NKAIN2: variants seen among roughly 807,000 people sequenced by gnomAD.
The protein encoded by NKAIN2 is sodium/potassium transporting ATPase interacting 2.
In NKAIN2, 14 loss-of-function variants were observed where a neutral mutation model predicts 32.6. The ratio of observed to expected loss-of-function variants is 0.43; its 90% confidence interval spans 0.28 to 0.67. The LOEUF (loss-of-function observed/expected upper bound fraction) is 0.67. NKAIN2 is among the 30% of genes least tolerant of loss of function. The pLI is 0.17. For synonymous variants in NKAIN2, 80 were observed against 87.2 expected, an observed-to-expected ratio of 0.92 and a Z score of 0.46; for missense variants, 198 against 258.3, an observed-to-expected ratio of 0.77 and a Z score of 1.60.
In NKAIN2 at chr6:124,369,898, T is replaced by TTTTTTTTTTTTTTA. The variant is rs1554196328; in HGVS notation, c.273+14551_273+14552insTTTTTTTTTTTTTA. Among the ~76,000 whole-genome samples, 8 of 148,560 alleles carry TTTTTTTTTTTTTTA rather than the reference T, an allele frequency of 5.4e-5. 1 individual carries two copies. The highest frequency in any genetic ancestry group is 8.9e-5 in the Non-Finnish European group (6 of 67,392). Reference sequence around the variant, plus strand: ...AATGTCAATTTTTTTTTTTTTTTTTTAACCTGTGGATTCACTCTGGGACAA... The same window carrying TTTTTTTTTTTTTTA: ...AATGTCAATTTTTTTTTTTTTTTTTTTTTTTTTTTTTTTAAACCTGTGGATTCACTCTGGGACAA... On this transcript the variant is annotated intron_variant, in intron 3 of 6. Transcript: ENST00000368417.
intron 3 of NKAIN2, among the ~76,000 whole-genome samples, chr6:124,459,137 C>G (rs1037616286): frequency 6.6e-6 from 1 of 151,812 alleles, no homozygotes; most frequent in Non-Finnish European, 1.5e-5. Context: ...AACGTTACCA[C>G]TTTCTGGCCC....
In NKAIN2 at chr6:124,717,437, G is replaced by A. The variant is rs112398283; in HGVS notation, c.474+59051G>A. ...AGGTATCAATGGTTGAATCCCAGTG[G>A]CATTATTCAGTGGGATTTCTGGTCA... On this transcript the variant is annotated intron_variant, in intron 4 of 6. Coordinates refer to ENST00000368417, the MANE Select transcript of NKAIN2 (RefSeq NM_001040214.3). Among the ~76,000 whole-genome samples, 339 of 152,222 alleles carry A rather than the reference G, an allele frequency of 2.2e-3. 4 individuals are homozygous for A. The highest frequency in any genetic ancestry group is 7.6e-3 in the African/African-American group (317 of 41,540).
chr6:124,458,128 C>A (rs1470024319), intron 3 of NKAIN2, among the ~76,000 whole-genome samples: 3 of 151,716 alleles, frequency 2.0e-5, no homozygotes, highest in Non-Finnish European at 2.9e-5. Flanking sequence ...ATAGCTTATG[C>A]AAGTTTATTA....
chr6:123,868,761 G>T (rs1772716309), intron 1 of NKAIN2, among the ~76,000 whole-genome samples: 1 of 152,120 alleles, frequency 6.6e-6, no homozygotes, highest in African/African-American at 2.4e-5. Context: ...CACATTTTGT[G>T]TAGAAATAAT....
At chr6:124,031,754 A>C (rs574771609) in intron 1 of NKAIN2, among the ~76,000 whole-genome samples, 22 of 152,102 alleles carry the variant, frequency 1.4e-4, no homozygotes, top group Non-Finnish European at 2.6e-4. Flanking sequence ...TTCTAGTTTG[A>C]TTGCACTGTG....
chr6:124,326,114 GT>G (rs1052159558), intron 2 of NKAIN2, among the ~76,000 whole-genome samples: 16 of 140,594 alleles, frequency 1.1e-4, no homozygotes, highest in Non-Finnish European at 4.7e-5. Flanking sequence ...TTCTATTTTT[GT>G]TTGTTTATAT....
chr6:124,319,961 T>C (rs903379193), intron 2 of NKAIN2, among the ~76,000 whole-genome samples: 1 of 152,082 alleles, frequency 6.6e-6, no homozygotes, highest in African/African-American at 2.4e-5. Flanking sequence ...TAAAAATGGG[T>C]TTAAAAAAAT....
intron 1 of NKAIN2, among the ~76,000 whole-genome samples, chr6:123,987,464 G>T (rs921734590): frequency 3.3e-5 from 5 of 152,124 alleles, no homozygotes; most frequent in African/African-American, 1.2e-4. Flanking sequence ...CTGTTTATTA[G>T]GTTGCAGTTT....
At chr6:124,720,352 A>T (rs1562344216) in intron 4 of NKAIN2, among the ~76,000 whole-genome samples, 1 of 152,154 alleles carries the variant, frequency 6.6e-6, no homozygotes, top group Non-Finnish European at 1.5e-5. Context: ...TTGACAAGTT[A>T]GTTGTTGTTT....
intron 2 of NKAIN2, among the ~76,000 whole-genome samples, chr6:124,294,968 G>C (rs1795986278): frequency 6.6e-6 from 1 of 152,080 alleles, no homozygotes. Flanking sequence ...TTGGCTGCAA[G>C]TATTAAGCTC....
chr6:124,335,692 G>T (rs573970803), intron 2 of NKAIN2, among the ~76,000 whole-genome samples: 2 of 151,928 alleles, frequency 1.3e-5, no homozygotes, highest in East Asian at 3.9e-4. Context: ...CTATTTTTGG[G>T]TCTTTAAAAG....
intron 4 of NKAIN2, among the ~76,000 whole-genome samples, chr6:124,748,046 GCA>G (rs2114704035): frequency 3.3e-5 from 5 of 151,914 alleles, no homozygotes; most frequent in African/African-American, 1.2e-4. Context: ...AAAAAACTAA[GCA>G]CACTTTGTGG....
At chr6:124,317,159 G>T (rs1451202490) in intron 2 of NKAIN2, among the ~76,000 whole-genome samples, 3 of 152,010 alleles carry the variant, frequency 2.0e-5, no homozygotes, top group Non-Finnish European at 4.4e-5. Context: ...GACTACTGCT[G>T]GGCTCTTGAG....
chr6:124,757,594 TG>T (rs1169288463), intron 4 of NKAIN2, among the ~76,000 whole-genome samples: 5 of 152,146 alleles, frequency 3.3e-5, no homozygotes, highest in Non-Finnish European at 7.3e-5. Context: ...AATTGATGCA[TG>T]TCTGTAGAAT....
intron 3 of NKAIN2, among the ~76,000 whole-genome samples, chr6:124,425,348 C>T (rs1307668209): frequency 6.6e-6 from 1 of 151,944 alleles, no homozygotes; most frequent in Non-Finnish European, 1.5e-5. Context: ...AAATATAAGA[C>T]CTGAAATCTT....
intron 2 of NKAIN2, among the ~76,000 whole-genome samples, chr6:124,295,695 C>T (rs1245862105): frequency 6.6e-6 from 1 of 152,100 alleles, no homozygotes; most frequent in Non-Finnish European, 1.5e-5. Context: ...GAATGGATTT[C>T]AATAAGCCAG....
chr6:124,663,330 C>A (rs1382176493), intron 4 of NKAIN2, among the ~76,000 whole-genome samples: 1 of 151,944 alleles, frequency 6.6e-6, no homozygotes, highest in East Asian at 1.9e-4. Flanking sequence ...ACTCAGGAGG[C>A]TAAGGCAGGA....
At chr6:124,630,034 G>C (rs1407083215) in intron 3 of NKAIN2, among the ~76,000 whole-genome samples, 2 of 152,156 alleles carry the variant, frequency 1.3e-5, no homozygotes, top group Non-Finnish European at 1.5e-5. Flanking sequence ...AATACAGTTG[G>C]CATAGGAAGA....
intron 3 of NKAIN2, among the ~76,000 whole-genome samples, chr6:124,397,349 A>C (rs1773423571): frequency 6.6e-6 from 1 of 152,102 alleles, no homozygotes; most frequent in African/African-American, 2.4e-5. Flanking sequence ...AATTCAATTC[A>C]AACATATTCA....
Sources: allele counts gnomAD v4.1 joint callset (sites outside exome capture counted in the v4.1 genomes callset), GRCh38; gene constraint gnomAD v4.1.1; transcripts MANE v1.5; gene names NCBI Gene and HGNC (gene_info 2026-07-23, HGNC 2026-07-21).